Variants in AK7 observed in about 807,000 individuals in gnomAD.
The protein encoded by AK7 is adenylate kinase 7, also known as ATP-AMP transphosphorylase 7.
AK7 carries 78 observed loss-of-function variants against 96.6 expected under a neutral mutation model. The ratio of observed to expected loss-of-function variants is 0.81; its 90% CI spans 0.67 to 0.97. The LOEUF is 0.97. Ranked by LOEUF, AK7 falls within the 50% of genes least tolerant of loss-of-function variation. The pLI is 0.00. For missense variants in AK7, 855 were observed against 887.9 expected (o/e 0.96, Z 0.47); for synonymous variants, 302 against 317.2 (o/e 0.95, Z 0.51).
intron 5 of AK7, among the ~76,000 whole-genome samples, chr14:96,422,425 T>C (rs1010470364): frequency 3.3e-5 from 5 of 152,156 alleles, no homozygotes; most frequent in African/African-American, 9.7e-5. Context: ...GAAGGGAGTA[T>C]GCCTTAACCC....
At chr14:96,440,115 A>G (rs1397306998) in intron 6 of AK7, among the ~76,000 whole-genome samples, 2 of 152,124 alleles carry the variant, frequency 1.3e-5, no homozygotes. Flanking sequence ...AGCTGGGATT[A>G]CAGGTGTGTG....
intron 2 of AK7, among the ~76,000 whole-genome samples, chr14:96,400,164 G>A (rs1268156157): frequency 2.7e-5 from 4 of 147,642 alleles, no homozygotes; most frequent in African/African-American, 1.0e-4. Context: ...TCAGCCTCCC[G>A]AGTAGCTGGG....
At chr14:96,433,467 A>G (rs1241374538) in intron 5 of AK7, among the ~76,000 whole-genome samples, 1 of 152,136 alleles carries the variant, frequency 6.6e-6, no homozygotes, top group Non-Finnish European at 1.5e-5. Flanking sequence ...CAAATCAGCT[A>G]CTGAAGCTTG....
At position 96,483,144 on chromosome 14, in the gene AK7, G is replaced by C. The variant is rs932469889; in HGVS notation, c.1899G>C (p.Glu633Asp). 2.5e-6 allele frequency: 4 copies of C among 1,613,892 alleles called. No individual in the cohort carries two copies. Among genetic ancestry groups the C allele is most frequent in the Non-Finnish European group, 3.4e-6 (4 of 1,180,010 alleles). ...CTGCGGAGGAGCGGCTGGCCAGGGA[G>C]GCTGCTGAGGAAGCAGAACGCGAGC... is the stretch of plus-strand genomic sequence containing the variant. ...RKAAEERLAR[E>D]AAEEAEREHQ... Residue 633 changes from glutamate to aspartate, a missense_variant, in exon 16 of 18, where the codon GAG (glutamate) becomes GAC (aspartate). Coordinates refer to ENST00000267584, the MANE Select transcript of AK7 (RefSeq NM_152327.5).
chr14:96,478,704 C>A (rs755693406), intron 15 of AK7, 42 bp downstream of exon 15: 2 of 1,595,906 alleles, frequency 1.3e-6, no homozygotes, highest in Non-Finnish European at 1.7e-6. Context: ...TCCAGGACCC[C>A]CAGCAAAGCT....
At chr14:96,392,594 T>C (rs1280694780) in intron 1 of AK7, among the ~76,000 whole-genome samples, 2 of 152,224 alleles carry the variant, frequency 1.3e-5, no homozygotes, top group Admixed American at 6.5e-5. Flanking sequence ...ACTCCAGGTC[T>C]CTTGCCCCCT....
intron 12 of AK7, among the ~76,000 whole-genome samples, chr14:96,459,010 G>A (rs1043340264): frequency 6.7e-6 from 1 of 149,354 alleles, no homozygotes; most frequent in Non-Finnish European, 1.5e-5. Context: ...GTGATGATCT[G>A]TTGGTAGGAT....
At chr14:96,411,707 T>C (rs1041582267) in intron 4 of AK7, among the ~76,000 whole-genome samples, 5 of 152,088 alleles carry the variant, frequency 3.3e-5, no homozygotes, top group Non-Finnish European at 7.4e-5. Flanking sequence ...GGGGTATAGA[T>C]ACAACAAGAC....
At chr14:96,423,437 C>CA (rs1891829827) in intron 5 of AK7, among the ~76,000 whole-genome samples, 1 of 152,136 alleles carries the variant, frequency 6.6e-6, no homozygotes, top group African/African-American at 2.4e-5. Context: ...TTCATAATAA[C>CA]AATTTGATGA....
At chr14:96,400,569 G>A (rs1890351721) in intron 2 of AK7, among the ~76,000 whole-genome samples, 1 of 152,230 alleles carries the variant, frequency 6.6e-6, no homozygotes, top group Non-Finnish European at 1.5e-5. Flanking sequence ...CCTGGGCTCT[G>A]CCCTCCTTGA....
Position 96,458,169 on chromosome 14 carries a change from G to A in AK7, c.1314G>A (p.Gln438=), listed in dbSNP as rs1418774418. The A allele has an allele frequency of 1.2e-6, 2 of 1,613,934 alleles. No homozygotes were observed. The highest frequency in any genetic ancestry group is 1.7e-6 in the Non-Finnish European group (2 of 1,179,964). The change falls in exon 12 of 18, where the codon CAG becomes CAA. Residue 438 remains glutamine (Q), a synonymous_variant. Transcript: ENST00000267584. ...AGGAGGAGAATGTGGAAGATGCACAGGAGCTCCTAGATGGCATCAAGGAGA... is the reference window on the plus strand; with the variant it reads ...AGGAGGAGAATGTGGAAGATGCACAAGAGCTCCTAGATGGCATCAAGGAGA... ...EEEEENVEDA[Q]ELLDGIKESM...
chr14:96,418,482 AACTGT>A lies in AK7; in HGVS notation c.499-2336_499-2332del, dbSNP rs1329472180. On this transcript the variant is annotated intron_variant, in intron 4 of 17. Coordinates refer to ENST00000267584, the MANE Select transcript of AK7 (RefSeq NM_152327.5). ...TGGCTCCAGTCATTTTCTCAGGAGC[AACTGT>A]ACTCTTACCTCAGTAGGGCTTTTTG... Among the ~76,000 whole-genome samples the A allele has an allele frequency of 2.0e-5, 3 of 151,378 alleles. No individual in the cohort carries two copies. The East Asian group carries it at 5.9e-4, about 30-fold the overall frequency.
intron 13 of AK7, among the ~76,000 whole-genome samples, chr14:96,472,196 C>T (rs1057105216): frequency 6.6e-6 from 1 of 152,194 alleles, no homozygotes; most frequent in African/African-American, 2.4e-5. Context: ...GACCATCCGT[C>T]ACCCAGGCTG....
At chr14:96,447,842 TA>T (rs1320591664) in intron 8 of AK7, among the ~76,000 whole-genome samples, 1 of 152,142 alleles carries the variant, frequency 6.6e-6, no homozygotes, top group African/African-American at 2.4e-5. Context: ...CTGCTCTGGC[TA>T]AAGCAGCTAC....
At chr14:96,432,063 G>A (rs577329358) in intron 5 of AK7, among the ~76,000 whole-genome samples, 50 of 152,158 alleles carry the variant, frequency 3.3e-4, no homozygotes, top group African/African-American at 1.1e-3. Context: ...TGTTTTATCA[G>A]TACAATTTGA....
chr14:96,454,084 C>T lies in AK7; in HGVS notation c.1099-2263C>T, dbSNP rs531844056. On this transcript the variant is annotated intron_variant, in intron 10 of 17. Transcript: ENST00000267584. The stretch of plus-strand genomic sequence containing the variant: ...GCCAGAGCCATCCATCATCCCTATC[C>T]GATGGGACAGCGCTGCTAGCCAGAA... Among the ~76,000 whole-genome samples the T allele has an allele frequency of 1.1e-4, 17 of 152,306 alleles. 1 individual carries two copies. Among genetic ancestry groups the T allele is most frequent in the South Asian group, 6.2e-4 (3 of 4,828 alleles).
intron 4 of AK7, among the ~76,000 whole-genome samples, chr14:96,414,107 T>C (rs1891192025): frequency 6.6e-6 from 1 of 152,206 alleles, no homozygotes; most frequent in Non-Finnish European, 1.5e-5. Flanking sequence ...TCAGGTAAAA[T>C]GTAAAACAAG....
At chr14:96,439,478 CA>C (rs138066359) in intron 6 of AK7, among the ~76,000 whole-genome samples, 5,098 of 152,144 alleles carry the variant, frequency 0.034, 285 homozygotes, top group African/African-American at 0.12. Flanking sequence ...TCCTGGCTAA[CA>C]CGGAGAAACC....
chr14:96,449,265 A>C (rs1028988697), intron 8 of AK7, among the ~76,000 whole-genome samples: 1 of 152,132 alleles, frequency 6.6e-6, no homozygotes, highest in African/African-American at 2.4e-5. Flanking sequence ...CTGAGCTGCA[A>C]ACACTCCACA....
Sources: allele counts gnomAD v4.1 joint callset (sites outside exome capture counted in the v4.1 genomes callset), GRCh38; gene constraint gnomAD v4.1.1; transcripts MANE v1.5; gene names NCBI Gene and HGNC (gene_info 2026-07-23, HGNC 2026-07-21).